The following PTCH1 variants were observed in gnomAD, a reference collection of about 807,000 sequenced individuals.
The protein encoded by PTCH1 is patched 1.
A neutral mutation model predicts 144.6 loss-of-function variants in PTCH1; 14 were observed. That is an observed-to-expected ratio of 0.10 (90% confidence interval 0.06 to 0.15). PTCH1 has a LOEUF of 0.15. PTCH1 is among the 10% of genes least tolerant of loss of function. The probability of loss-of-function intolerance (pLI) is 1.00; values close to 1 mark genes in which losing one functional copy is unlikely to be tolerated. For missense variants in PTCH1, 1,623 were observed against 1,948.3 expected, an observed-to-expected ratio of 0.83 and a Z score of 3.14; for synonymous variants, 833 against 793.6, an observed-to-expected ratio of 1.05 and a Z score of -0.83.
rs1278213544 is a variant in PTCH1 at position 95,447,399 on chromosome 9, G to A, written c.3857C>T (p.Pro1286Leu). 1.2e-6 allele frequency: 2 copies of A among 1,609,262 alleles called. No individual in the cohort carries two copies. The highest frequency in any genetic ancestry group is 1.7e-6 in the Non-Finnish European group (2 of 1,177,666). Residue 1286 changes from proline (P) to leucine (L), a missense_variant, in exon 23 of 24, where the codon CCC becomes CTC. Physicochemically the swap from Pro to Leu is moderately conservative, Grantham distance 98. Around this residue, in one of 7 missense-constraint regions of PTCH1, gnomAD observed 291 missense variants for 287.4 expected, o/e 1.01. Transcript: ENST00000331920. Reference protein sequence around the residue: ...HHPPSNPRQQPHLDSGSLPPG... With the variant: ...HHPPSNPRQQLHLDSGSLPPG... ...AGGCAGGGACCCTGAGTCCAGGTGG[G>A]GCTGCTGTCTCGGGTTCGAGGGTGG...
chr9:95,460,571 C>T (rs755316896), intron 16 of PTCH1, among the ~76,000 whole-genome samples: 29 of 152,232 alleles, frequency 1.9e-4, no homozygotes, highest in Non-Finnish European at 3.7e-4. Context: ...CCAGTGACAG[C>T]GGCTCCTAGA....
rs1319757275 is a variant in PTCH1 at position 95,449,311 on chromosome 9, T to A, written c.3562A>T (p.Asn1188Tyr). The change falls in exon 22 of 24, where the codon AAC (asparagine) becomes TAC (tyrosine). Residue 1188 changes from asparagine to tyrosine, a missense_variant. Physicochemically the swap from Asn to Tyr is moderately radical, Grantham distance 143 (BLOSUM62 -2). Around this residue, in one of 7 missense-constraint regions of PTCH1, gnomAD observed 504 missense variants for 679.3 expected, o/e 0.74. Transcript: ENST00000331920. This position sits in a 1 kb window ranked among gnomAD's most constrained non-coding sequence, Gnocchi z 5.3. The stretch of plus-strand genomic sequence containing the variant: ...GGTGTGGGCAGGCGGTTCAAGCCGT[T>A]GGCTGGAGACACCTATTTAAGGGGA... ...FGPYPEVSPANGLNRLPTPSP... is the reference protein window; with the variant it reads ...FGPYPEVSPAYGLNRLPTPSP... 3.2e-6 allele frequency: 5 copies of A among 1,551,668 alleles called. No homozygotes were observed. The highest frequency in any genetic ancestry group is 4.4e-6 in the Non-Finnish European group (5 of 1,149,208).
intron 18 of PTCH1, among the ~76,000 whole-genome samples, chr9:95,457,085 C>T (rs1313008815): frequency 6.6e-6 from 1 of 152,168 alleles, no homozygotes; most frequent in East Asian, 1.9e-4. Context: ...GGAAAAGCTT[C>T]TTGCCTTTCA....
intron 2 of PTCH1, among the ~76,000 whole-genome samples, chr9:95,487,989 G>A (rs534935765): frequency 6.6e-6 from 1 of 152,312 alleles, no homozygotes; most frequent in South Asian, 2.1e-4. Context: ...GCAGCCGCCT[G>A]TTAACTATAT....
chr9:95,463,586 C>G (rs1225638964), intron 15 of PTCH1, among the ~76,000 whole-genome samples: 1 of 152,204 alleles, frequency 6.6e-6, no homozygotes, highest in Non-Finnish European at 1.5e-5. Context: ...CTCGCTGTAA[C>G]AATTTTCATG....
rs561487691 is a variant in PTCH1 at position 95,473,530 on chromosome 9, A to G, written c.1728+2504T>C. Among the ~76,000 whole-genome samples, 3 of 146,890 alleles carry G rather than the reference A, an allele frequency of 2.0e-5. No homozygotes were observed. The South Asian group carries it at 6.4e-4, about 31-fold the overall frequency. ...ATTGCACACTCTCTCTTTTCTTTGC[A>G]TTTTCTATCCTATTTTTTTTTTTTT... On this transcript the variant is annotated intron_variant, in intron 12 of 23. Transcript: ENST00000331920.
rs903752072 is a variant in PTCH1, at chr9:95,479,924, G to A, written c.1067+45C>T. On this transcript the variant is annotated intron_variant, in intron 7 of 23. Coordinates refer to ENST00000331920, the MANE Select transcript of PTCH1 (RefSeq NM_000264.5). ...AGGAGGGAAGTGGCTTTTGAGGAAAGGAAGAAGACTACAGGGCATAGATTG... is the reference window on the plus strand; with the variant it reads ...AGGAGGGAAGTGGCTTTTGAGGAAAAGAAGAAGACTACAGGGCATAGATTG... The A allele has an allele frequency of 4.8e-5, 77 of 1,613,966 alleles. No individual in the cohort carries two copies. The Admixed American group carries it at 1.3e-3, about 27-fold the overall frequency.
intron 1 of PTCH1, among the ~76,000 whole-genome samples, chr9:95,514,759 C>T (rs1487379274): frequency 2.0e-5 from 3 of 152,106 alleles, no homozygotes; most frequent in African/African-American, 4.8e-5. Flanking sequence ...GTAAAACAGC[C>T]TTTTTCTTTT....
chr9:95,516,671 T>A (rs1282157946), exon 1 of PTCH1: 2 of 1,613,044 alleles, frequency 1.2e-6, no homozygotes, highest in South Asian at 1.1e-5. Flanking sequence ...TTTCTTCTCC[T>A]CCGTTTTCTT....
rs761204245 is a variant in PTCH1 at position 95,508,294 on chromosome 9, G to A, written c.68C>T (p.Ala23Val). The A allele has an allele frequency of 7.9e-6, 12 of 1,520,438 alleles. No homozygotes were observed. The highest frequency in any genetic ancestry group is 4.1e-5 in the Admixed American group (2 of 49,222). The allele number at this position is 1,520,438 out of a possible 1,614,324, so 94.2% of individuals were successfully genotyped here. A position where few individuals can be genotyped will look rare whatever the true frequency, so the allele number is the denominator to read the frequency against. The change falls in exon 1 of 24, where the codon GCC becomes GTC. Residue 23 changes from alanine (A) to valine (V), a missense_variant. By Grantham distance (64) the Ala-to-Val change is moderately conservative. Transcript: ENST00000331920. ...CCCGCCTCCAGCCGGCCGTCCCGGGGCACCGATACAGCCGCTGCCGCCGCC... is the reference window on the plus strand; with the variant it reads ...CCCGCCTCCAGCCGGCCGTCCCGGGACACCGATACAGCCGCTGCCGCCGCC... ...RGGGGSGCIGAPGRPAGGGRR... is the reference protein window; with the variant it reads ...RGGGGSGCIGVPGRPAGGGRR...
At position 95,491,776 on chromosome 9, in the gene PTCH1, C is replaced by T. The variant is rs118002965; in HGVS notation, c.395-5902G>A. ...TCTGAAGGTCTCAAATGCTCCAAAA[C>T]CTTCCTGAGTGCCAATATGATGCTC... On this transcript the variant is annotated intron_variant, in intron 2 of 23. Coordinates refer to ENST00000331920, the MANE Select transcript of PTCH1 (RefSeq NM_000264.5). 1.0e-3 allele frequency among the ~76,000 whole-genome samples: 156 copies of T among 152,308 alleles called. 3 individuals carry two copies. In the East Asian group the frequency reaches 0.029, roughly 29 times the overall value.
intron 5 of PTCH1, among the ~76,000 whole-genome samples, chr9:95,481,362 T>C (rs1190138392): frequency 6.6e-6 from 1 of 152,232 alleles, no homozygotes; most frequent in African/African-American, 2.4e-5. Flanking sequence ...AAGCTCTCAC[T>C]CTTGCATAAT....
At chr9:95,465,003 G>A (rs141052157) in intron 15 of PTCH1, among the ~76,000 whole-genome samples, 75 of 152,056 alleles carry the variant, frequency 4.9e-4, no homozygotes, top group African/African-American at 1.7e-3. Flanking sequence ...CTGGGACCCT[G>A]ATTGCTTAGC....
chr9:95,444,440 G>T lies in PTCH1; in HGVS notation c.*1953C>A. 1 of 153,368 alleles carries T rather than the reference G, an allele frequency of 6.5e-6. No individual in the cohort carries two copies. The highest frequency in any genetic ancestry group is 2.0e-4 in the South Asian group (1 of 4,924). 9.5% of individuals were successfully genotyped at this position (153,368 alleles called of 1,614,324 possible). On this transcript the variant is annotated 3_prime_UTR_variant, in exon 24 of 24. Coordinates refer to ENST00000331920, the MANE Select transcript of PTCH1 (RefSeq NM_000264.5). The stretch of plus-strand genomic sequence containing the variant: ...TGTTAGGATGGCAGACCATGTGGGT[G>T]ACAGGCACCAAGACAGCAGCAGGGG...
At chr9:95,472,950 C>T (rs1385026509) in intron 12 of PTCH1, among the ~76,000 whole-genome samples, 1 of 152,212 alleles carries the variant, frequency 6.6e-6, no homozygotes, top group East Asian at 1.9e-4. Flanking sequence ...TGAATCAATT[C>T]TAGTTATTGT....
At chr9:95,474,667 G>T (rs1840878671) in intron 12 of PTCH1, among the ~76,000 whole-genome samples, 1 of 152,168 alleles carries the variant, frequency 6.6e-6, no homozygotes. Flanking sequence ...AAACCCAGTA[G>T]GATCAGTAGT....
At position 95,449,449 on chromosome 9, in the gene PTCH1, G is replaced by A. The variant is rs538123705; in HGVS notation, c.3550-126C>T. On this transcript the variant is annotated intron_variant, in intron 21 of 23. Transcript: ENST00000331920. This position sits in a 1 kb window ranked among gnomAD's most constrained non-coding sequence, Gnocchi z 5.3. Reference sequence around the variant, plus strand: ...GCCCTGGGGCCCTGCGCACTGTGCCGTATTAACCTCCCCTTCTCTACCACC... The same window carrying A: ...GCCCTGGGGCCCTGCGCACTGTGCCATATTAACCTCCCCTTCTCTACCACC... 3.4e-5 allele frequency: 46 copies of A among 1,341,126 alleles called. No individual in the cohort carries two copies. Among genetic ancestry groups the A allele is most frequent in the Admixed American group, 6.0e-5 (3 of 50,314 alleles). 83.1% of individuals were successfully genotyped at this position (1,341,126 alleles called of 1,614,324 possible). A position where few individuals can be genotyped will look rare whatever the true frequency, so the allele number is the denominator to read the frequency against.
rs375931157 is a variant in PTCH1, at chr9:95,465,000, CCT to C, written c.2560+2114_2560+2115del. ...ATGGAGTCCCAGGGCTGCCTGGGAC[CCT>C]GATTGCTTAGCACCAATGGATCTCA... On this transcript the variant is annotated intron_variant, in intron 15 of 23. Transcript: ENST00000331920. Among the ~76,000 whole-genome samples, 55 of 152,094 alleles carry C rather than the reference CCT, an allele frequency of 3.6e-4. 1 individual carries two copies. Among genetic ancestry groups the C allele is most frequent in the African/African-American group, 1.3e-3 (52 of 41,492 alleles).
Position 95,508,389 on chromosome 9 carries a change from G to A in PTCH1, c.-28C>T. The A allele has an allele frequency of 8.8e-7, 1 of 1,137,076 alleles. No individual in the cohort carries two copies. Among genetic ancestry groups the A allele is most frequent in the Non-Finnish European group, 1.1e-6 (1 of 929,574 alleles). The allele number at this position is 1,137,076 out of a possible 1,614,324, so 70.4% of individuals were successfully genotyped here. On this transcript the variant is annotated 5_prime_UTR_variant, in exon 1 of 24. Coordinates refer to ENST00000331920, the MANE Select transcript of PTCH1 (RefSeq NM_000264.5). Reference sequence around the variant, plus strand: ...TGCCGCCGCCGCCGCCGCCGCCGCGGGGACGGAGGCTTCCCGGGCGGCCCG... The same window carrying A: ...TGCCGCCGCCGCCGCCGCCGCCGCGAGGACGGAGGCTTCCCGGGCGGCCCG...
Sources: gnomAD v4.1 joint callset for allele counts (sites outside exome capture counted in the v4.1 genomes callset) on GRCh38, gnomAD v4.1.1 for gene constraint, gnomAD v4.1.1 regional missense constraint, Gnocchi (gnomAD v3.1) non-coding constraint, MANE v1.5 for transcripts, NCBI Gene and HGNC (gene_info 2026-07-23, HGNC 2026-07-21) for gene names.